The following CAMTA1 variants were observed in gnomAD, a reference collection of about 807,000 sequenced individuals.
CAMTA1 encodes calmodulin-binding transcription activator 1.
In CAMTA1, 27 loss-of-function variants were observed where a neutral mutation model predicts 170.9. The observed-to-expected ratio is 0.16, with a 90% CI of 0.12 to 0.22. The LOEUF is 0.22. CAMTA1 is among the 10% of genes least tolerant of loss of function. CAMTA1 has a pLI of 1.00. For missense variants in CAMTA1, 1,619 were observed against 2,217.2 expected, an observed-to-expected ratio of 0.73 and a Z score of 5.42; for synonymous variants, 833 against 891.5, an observed-to-expected ratio of 0.93 and a Z score of 1.17.
At chr1:7,465,486 A>G (rs1035606440) in intron 5 of CAMTA1, among the ~76,000 whole-genome samples, 1 of 106,424 alleles carries the variant, frequency 9.4e-6, no homozygotes, top group African/African-American at 4.3e-5. Context: ...TTCTCATCCA[A>G]GGAGACCAGG....
chr1:7,644,811 G>A (rs543186391), intron 7 of CAMTA1, among the ~76,000 whole-genome samples: 45 of 152,072 alleles, frequency 3.0e-4, no homozygotes, highest in East Asian at 1.8e-3. Context: ...CCATCCTAAC[G>A]TACTTTGGGG....
At chr1:7,753,315 C>T (rs914323603) in intron 21 of CAMTA1, among the ~76,000 whole-genome samples, 11 of 152,176 alleles carry the variant, frequency 7.2e-5, no homozygotes, top group Admixed American at 3.9e-4. Flanking sequence ...GTTCTTTATC[C>T]AGGTGAATAT....
chr1:7,526,891 C>A (rs1557866203), intron 6 of CAMTA1, among the ~76,000 whole-genome samples: 1 of 152,228 alleles, frequency 6.6e-6, no homozygotes, highest in Non-Finnish European at 1.5e-5. Flanking sequence ...AGAGTTCACT[C>A]TATTTGTGTC....
At chr1:7,668,546 C>T (rs1178141612) in intron 9 of CAMTA1, among the ~76,000 whole-genome samples, 1 of 152,070 alleles carries the variant, frequency 6.6e-6, no homozygotes, top group Admixed American at 6.6e-5. Flanking sequence ...CGTGCCCCCT[C>T]CCCACCCCCA....
At chr1:7,337,163 T>C (rs2083437375) in intron 5 of CAMTA1, among the ~76,000 whole-genome samples, 1 of 152,192 alleles carries the variant, frequency 6.6e-6, no homozygotes, top group Admixed American at 6.5e-5. Context: ...CTGGTGGTTC[T>C]AGGAGGCCTG....
At chr1:6,950,546 C>T (rs1388272572) in intron 3 of CAMTA1, among the ~76,000 whole-genome samples, 2 of 152,168 alleles carry the variant, frequency 1.3e-5, no homozygotes, top group African/African-American at 4.8e-5. Flanking sequence ...GCCACATGCT[C>T]ACTGCAGGTG....
chr1:6,990,976 T>G (rs536732708), intron 3 of CAMTA1, among the ~76,000 whole-genome samples: 1 of 152,266 alleles, frequency 6.6e-6, no homozygotes, highest in South Asian at 2.1e-4. Flanking sequence ...ATACGTAGCT[T>G]TAAACATGTC....
At position 7,382,801 on chromosome 1, in the gene CAMTA1, T is replaced by C. The variant is rs74055404; in HGVS notation, c.439-85029T>C. On this transcript the variant is annotated intron_variant, in intron 5 of 22. Transcript: ENST00000303635. ...CATGCCTCTTTGTTGCAGTGATTTCTTAGCCTAGATAGATACTTGCTTCCT... is the reference window on the plus strand; with the variant it reads ...CATGCCTCTTTGTTGCAGTGATTTCCTAGCCTAGATAGATACTTGCTTCCT... 15 of 151,858 alleles carry C rather than the reference T, an allele frequency of 9.9e-5. No homozygotes were observed. In the East Asian group the frequency reaches 2.3e-3, roughly 23 times the overall value. 9.4% of individuals were successfully genotyped at this position (151,858 alleles called of 1,614,324 possible).
chr1:7,240,518 CTTT>C (rs759906051), intron 4 of CAMTA1, among the ~76,000 whole-genome samples: 2 of 125,652 alleles, frequency 1.6e-5, no homozygotes, highest in Non-Finnish European at 1.7e-5. Flanking sequence ...GTTCCAGAGT[CTTT>C]TTTTTTTTTT....
chr1:7,450,537 T>G (rs1035780077), intron 5 of CAMTA1, among the ~76,000 whole-genome samples: 2 of 152,144 alleles, frequency 1.3e-5, no homozygotes, highest in Admixed American at 1.3e-4. Flanking sequence ...TAGAGACAGG[T>G]GGGATTGAAT....
rs1211768468 is a variant in CAMTA1 at position 6,792,921 on chromosome 1, C to T, written c.45+7346C>T. ...ACAAAGTGACATTTCTTGAAAGAAA[C>T]GTTTGGGGCTGTGTTCTTAATAGTT... On this transcript the variant is annotated intron_variant, in intron 1 of 22. Transcript: ENST00000303635. Among the ~76,000 whole-genome samples, 3 of 151,944 alleles carry T rather than the reference C, an allele frequency of 2.0e-5. No individual in the cohort carries two copies. The East Asian group carries it at 5.8e-4, about 29-fold the overall frequency.
Position 7,766,615 on chromosome 1 carries a change from A to C in CAMTA1, c.*124A>C. On this transcript the variant is annotated 3_prime_UTR_variant, in exon 23 of 23. Coordinates refer to ENST00000303635, the MANE Select transcript of CAMTA1 (RefSeq NM_015215.4). ...CACGCACACACACACACGTACACAC[A>C]CATACAAAATCCCTCTGCAGTTTTG... 1 of 809,614 alleles carries C rather than the reference A, an allele frequency of 1.2e-6. No individual in the cohort carries two copies. Among genetic ancestry groups the C allele is most frequent in the Non-Finnish European group, 2.1e-6 (1 of 484,416 alleles). The allele number at this position is 809,614 out of a possible 1,614,324, so 50.2% of individuals were successfully genotyped here.
chr1:7,728,640 A>G (rs1444274301), intron 11 of CAMTA1, among the ~76,000 whole-genome samples: 1 of 152,240 alleles, frequency 6.6e-6, no homozygotes, highest in African/African-American at 2.4e-5. Context: ...TCCGAGATCA[A>G]TGGTTGTCTG....
At chr1:7,346,052 G>A (rs2084194199) in intron 5 of CAMTA1, among the ~76,000 whole-genome samples, 1 of 152,182 alleles carries the variant, frequency 6.6e-6, no homozygotes, top group Non-Finnish European at 1.5e-5. Flanking sequence ...TTGCATTTGG[G>A]AATTAAGCTA....
chr1:7,027,637 C>T (rs1234177162), intron 3 of CAMTA1, among the ~76,000 whole-genome samples: 2 of 151,962 alleles, frequency 1.3e-5, no homozygotes, highest in Non-Finnish European at 2.9e-5. Flanking sequence ...GGAAGCATGG[C>T]GGGGATATCT....
At chr1:7,621,017 C>T (rs575352677) in intron 6 of CAMTA1, among the ~76,000 whole-genome samples, 1 of 152,082 alleles carries the variant, frequency 6.6e-6, no homozygotes, top group South Asian at 2.1e-4. Context: ...AAAGAGAGTG[C>T]GAGGGAAAGG....
intron 7 of CAMTA1, among the ~76,000 whole-genome samples, chr1:7,660,978 C>T (rs567345994): frequency 4.6e-5 from 7 of 152,248 alleles, no homozygotes; most frequent in African/African-American, 1.7e-4. Flanking sequence ...TTCCAGCCCC[C>T]ATCCTGCCAG....
chr1:7,535,510 C>G (rs1404427150), intron 6 of CAMTA1, among the ~76,000 whole-genome samples: 4 of 152,340 alleles, frequency 2.6e-5, no homozygotes. Context: ...ATGGCCCAGT[C>G]ACCCGCTAGA....
chr1:7,659,745 C>G (rs947193582), intron 7 of CAMTA1, among the ~76,000 whole-genome samples: 1 of 152,236 alleles, frequency 6.6e-6, no homozygotes, highest in Non-Finnish European at 1.5e-5. Flanking sequence ...GCCAGCACTG[C>G]CTGCTGGGTG....
Sources: allele counts gnomAD v4.1 joint callset (sites outside exome capture counted in the v4.1 genomes callset), GRCh38; gene constraint gnomAD v4.1.1; transcripts MANE v1.5; gene names NCBI Gene and HGNC (gene_info 2026-07-23, HGNC 2026-07-21).